NDUFA11: variants seen among roughly 807,000 people sequenced by gnomAD.
NDUFA11 encodes NADH dehydrogenase [ubiquinone] 1 alpha subcomplex subunit 11.
In NDUFA11, 14 loss-of-function variants were observed where a neutral mutation model predicts 11.3. The observed-to-expected ratio is 1.24, with a 90% CI of 0.82 to 1.94. The LOEUF (loss-of-function observed/expected upper bound fraction) is 1.94, where lower values mean the gene tolerates loss of function less well. Among genes scored for constraint, NDUFA11 ranks in the 30% most tolerant of loss-of-function variants. The pLI is 0.00. For synonymous variants in NDUFA11, 87 were observed against 85.6 expected (o/e 1.02, Z -0.09); for missense variants, 204 against 200.3 (o/e 1.02, Z -0.11).
At chr19:5,901,501 T>C (rs764416096) in intron 1 of NDUFA11, 14 of 1,265,410 alleles carry the variant, frequency 1.1e-5, no homozygotes, top group Non-Finnish European at 1.3e-5. Flanking sequence ...TATTAATAAA[T>C]ATGCAAAATA....
chr19:5,891,454 C>T (rs1320108078), downstream of NDUFA11: 1 of 152,136 alleles, frequency 6.6e-6, no homozygotes, highest in African/African-American at 2.4e-5. Flanking sequence ...CAGGGTTTCA[C>T]TGTGTTGGCC....
intron 1 of NDUFA11, 62 bp from the exon 2 acceptor site, chr19:5,897,059 G>A (rs911221860): frequency 4.0e-5 from 55 of 1,363,850 alleles, no homozygotes; most frequent in Non-Finnish European, 5.1e-5. Flanking sequence ...GCTTGGCCGG[G>A]CACCCCACTG....
intron 1 of NDUFA11, among the ~76,000 whole-genome samples, chr19:5,900,161 C>T (rs892111805): frequency 6.6e-6 from 1 of 152,130 alleles, no homozygotes; most frequent in Non-Finnish European, 1.5e-5. Context: ...GCCATATCCA[C>T]CCCTCCAGGA....
chr19:5,897,158 C>T (rs955774932), intron 1 of NDUFA11, among the ~76,000 whole-genome samples, 161 bp from the exon 2 acceptor site: 1 of 152,150 alleles, frequency 6.6e-6, no homozygotes, highest in Admixed American at 6.5e-5. Context: ...GATTTGAACT[C>T]GGGTTTGCTG....
intron 3 of NDUFA11, 110 bp from the exon 4 acceptor site, chr19:5,894,964 G>A (rs780355709): frequency 9.6e-5 from 117 of 1,224,468 alleles, no homozygotes; most frequent in Non-Finnish European, 5.3e-5. Flanking sequence ...CCCCTGACAG[G>A]ACACTCTCTT....
In NDUFA11 at chr19:5,896,121, G is replaced by C; in HGVS notation, c.313+332C>G. ...GCTTGTACACAGGGTGGTCAGGACA[G>C]TGAGGGGAACAGCATTCCACGCAGT... is the stretch of plus-strand genomic sequence containing the variant. On this transcript the variant is annotated intron_variant, in intron 3 of 3. Transcript: ENST00000308961. The surrounding 1 kb of genome is among the most constrained non-coding windows in gnomAD (Gnocchi z 5.8). The C allele has an allele frequency of 1.8e-6, 1 of 558,252 alleles. No homozygotes were observed. The allele number at this position is 558,252 out of a possible 1,614,324, so 34.6% of individuals were successfully genotyped here.
chr19:5,893,699 T>G (rs1310408742), downstream of NDUFA11, among the ~76,000 whole-genome samples: 2 of 151,756 alleles, frequency 1.3e-5, no homozygotes, highest in Non-Finnish European at 2.9e-5. This position sits in a 1 kb window ranked among gnomAD's most constrained non-coding sequence, Gnocchi z 4.1. Flanking sequence ...GGCCCGGGAG[T>G]TCCAGGCTGA....
At chr19:5,895,007 G>T (rs1425799307) in intron 3 of NDUFA11, 153 bp from the exon 4 acceptor site, 5 of 867,680 alleles carry the variant, frequency 5.8e-6, no homozygotes, top group Non-Finnish European at 8.7e-6. Flanking sequence ...GAGGGCCCTA[G>T]ACTCTGGAGA....
intron 1 of NDUFA11, among the ~76,000 whole-genome samples, chr19:5,902,097 T>A (rs550811170): frequency 6.6e-6 from 1 of 151,450 alleles, no homozygotes; most frequent in Non-Finnish European, 1.5e-5. Flanking sequence ...TGCCTCAGCC[T>A]CCCAAGTAGC....
chr19:5,901,668 T>G (rs1265814823), intron 1 of NDUFA11, among the ~76,000 whole-genome samples: 2 of 47,636 alleles, frequency 4.2e-5, no homozygotes, highest in Non-Finnish European at 9.6e-5. Flanking sequence ...TTCTTTGGGT[T>G]TTTTTTTTTT....
At chr19:5,892,812 GTC>G, downstream of NDUFA11, 4 of 1,339,772 alleles carry the variant, frequency 3.0e-6, no homozygotes, top group Non-Finnish European at 3.9e-6. Context: ...AGGTGGAATC[GTC>G]TTTCTTTGTG....
chr19:5,896,326 G>A lies in NDUFA11; in HGVS notation c.313+127C>T. On this transcript the variant is annotated intron_variant, in intron 3 of 3. Transcript: ENST00000308961. The surrounding 1 kb of genome is among the most constrained non-coding windows in gnomAD (Gnocchi z 5.8). ...AGCAGCTGTCGCTATGACTGAAATG[G>A]CTGGTGTTCAAGAAGGCTGCTTTAC... is the stretch of plus-strand genomic sequence containing the variant. The A allele has an allele frequency of 9.0e-7, 1 of 1,117,312 alleles. No individual in the cohort carries two copies. The highest frequency in any genetic ancestry group is 1.5e-5 in the South Asian group (1 of 66,286). 69.2% of individuals were successfully genotyped at this position (1,117,312 alleles called of 1,614,324 possible).
downstream of NDUFA11, chr19:5,893,252 G>C (rs1360388623): frequency 6.8e-7 from 1 of 1,463,252 alleles, no homozygotes. The surrounding 1 kb of genome is among the most constrained non-coding windows in gnomAD (Gnocchi z 4.1). Flanking sequence ...GAGGCCAGGA[G>C]TTTGAGACCA....
intron 1 of NDUFA11, among the ~76,000 whole-genome samples, chr19:5,898,751 G>T (rs1027138259): frequency 3.9e-5 from 6 of 151,998 alleles, no homozygotes; most frequent in African/African-American, 1.4e-4. Flanking sequence ...GTACACATCT[G>T]TAGTCCCAGC....
chr19:5,898,402 A>G (rs999529708), intron 1 of NDUFA11, among the ~76,000 whole-genome samples: 1 of 152,226 alleles, frequency 6.6e-6, no homozygotes, highest in Non-Finnish European at 1.5e-5. Flanking sequence ...CACATCCAGC[A>G]GTGGGGTGAG....
intron 1 of NDUFA11, among the ~76,000 whole-genome samples, chr19:5,899,645 T>TTAGTAGAGACGGGGTTTTACCA (rs2057633042): frequency 6.6e-6 from 1 of 151,576 alleles, no homozygotes; most frequent in African/African-American, 2.4e-5. Context: ...TTTTGTATTT[T>TTAGTAGAGACGGGGTTTTACCA]TAGTAGAGAC....
chr19:5,903,457 C>A (rs547755114), intron 1 of NDUFA11, among the ~76,000 whole-genome samples, 155 bp downstream of exon 1: 1 of 152,252 alleles, frequency 6.6e-6, no homozygotes, highest in South Asian at 2.1e-4. Context: ...CCATTTCACA[C>A]AAGATCCCCC....
chr19:5,900,972 C>T (rs1599696278), intron 1 of NDUFA11, among the ~76,000 whole-genome samples: 1 of 151,590 alleles, frequency 6.6e-6, no homozygotes, highest in Admixed American at 6.6e-5. Flanking sequence ...ATGTCACTCT[C>T]AAAGACCCCG....
chr19:5,894,602 C>T (rs2057595757), downstream of NDUFA11: 1 of 1,519,992 alleles, frequency 6.6e-7, no homozygotes, highest in Admixed American at 2.0e-5. Context: ...TCTTATCTCC[C>T]TTCCTCACTC....
Sources: gnomAD v4.1 joint callset for allele counts (sites outside exome capture counted in the v4.1 genomes callset) on GRCh38, gnomAD v4.1.1 for gene constraint, Gnocchi (gnomAD v3.1) non-coding constraint, MANE v1.5 for transcripts, NCBI Gene and HGNC (gene_info 2026-07-23, HGNC 2026-07-21) for gene names.